Variants in NEK10 observed in about 807,000 individuals in gnomAD.
NEK10 encodes serine/threonine-protein kinase Nek10.
Under a neutral mutation model 159.8 loss-of-function variants are expected in NEK10, and 122 were observed. The ratio of observed to expected loss-of-function variants is 0.76; its 90% CI spans 0.66 to 0.89. The LOEUF is 0.89. NEK10 is among the 40% of genes least tolerant of loss of function. NEK10 has a pLI of 0.00. For synonymous variants in NEK10, 466 were observed against 457.1 expected (o/e 1.02, Z -0.25); for missense variants, 1,342 against 1,323.1 (o/e 1.01, Z -0.22).
At position 27,290,347 on chromosome 3, in the gene NEK10, TGAAAA is replaced by T. The variant is rs374792424; in HGVS notation, c.1743+265_1743+269del. Reference sequence around the variant, plus strand: ...GAGAAAAGAATAGATATGCTCACAATGAAAAGAAAAGGATTTCTCATATATGATGC... The same window carrying T: ...GAGAAAAGAATAGATATGCTCACAATGAAAAGGATTTCTCATATATGATGC... On this transcript the variant is annotated intron_variant, in intron 19 of 35. Transcript: ENST00000691995. Among the ~76,000 whole-genome samples, 653 of 152,298 alleles carry T rather than the reference TGAAAA, an allele frequency of 4.3e-3. 7 individuals are homozygous for T. Among genetic ancestry groups the T allele is most frequent in the South Asian group, 0.031 (152 of 4,828 alleles).
At chr3:27,341,794 G>A (rs533734275) in intron 5 of NEK10, among the ~76,000 whole-genome samples, 1 of 152,176 alleles carries the variant, frequency 6.6e-6, no homozygotes, top group South Asian at 2.1e-4. Context: ...AATAGAAGAG[G>A]AACATTATCA....
At chr3:27,208,432 T>C (rs531467108) in intron 23 of NEK10, among the ~76,000 whole-genome samples, 1 of 152,084 alleles carries the variant, frequency 6.6e-6, no homozygotes, top group South Asian at 2.1e-4. Context: ...GCCATAAAAA[T>C]TAAAGAGCAC....
intron 32 of NEK10, among the ~76,000 whole-genome samples, chr3:27,128,485 A>C (rs1447969455): frequency 6.6e-6 from 1 of 152,146 alleles, no homozygotes; most frequent in Non-Finnish European, 1.5e-5. Flanking sequence ...GTACTTCTAC[A>C]ATAAGAAACT....
chr3:27,325,500 C>T lies in NEK10; in HGVS notation c.363-3239G>A, dbSNP rs1294515013. ...TCTGGGTACAGTTCATCTCTGTCTCCTCTATGATCCTGAGAAATTCAACTC... is the reference window on the plus strand; with the variant it reads ...TCTGGGTACAGTTCATCTCTGTCTCTTCTATGATCCTGAGAAATTCAACTC... On this transcript the variant is annotated intron_variant, in intron 5 of 35. Transcript: ENST00000691995. 2.6e-5 allele frequency among the ~76,000 whole-genome samples: 4 copies of T among 152,116 alleles called. No individual in the cohort carries two copies. In the East Asian group the frequency reaches 5.8e-4, roughly 22 times the overall value.
At chr3:27,190,269 A>C (rs1365550188) in intron 26 of NEK10, among the ~76,000 whole-genome samples, 8 of 152,162 alleles carry the variant, frequency 5.3e-5, no homozygotes, top group Non-Finnish European at 1.2e-4. Context: ...ATAGCCTGAA[A>C]TCTATATTTC....
intron 22 of NEK10, among the ~76,000 whole-genome samples, chr3:27,268,151 C>A (rs1202936960): frequency 6.6e-6 from 1 of 152,192 alleles, no homozygotes. Context: ...AGTCTGGAAG[C>A]TAGCAGAGGT....
chr3:27,172,161 C>T (rs1947053608), intron 28 of NEK10, among the ~76,000 whole-genome samples: 1 of 151,512 alleles, frequency 6.6e-6, no homozygotes, highest in African/African-American at 2.4e-5. Flanking sequence ...ACATGAAACC[C>T]CGTCCCTACT....
intron 32 of NEK10, among the ~76,000 whole-genome samples, chr3:27,124,589 T>C (rs1174495487): frequency 1.3e-5 from 2 of 152,188 alleles, no homozygotes; most frequent in Non-Finnish European, 2.9e-5. Context: ...AGGGCTGTCT[T>C]ACATCAAAGG....
intron 5 of NEK10, among the ~76,000 whole-genome samples, chr3:27,332,972 G>A (rs1481154287): frequency 1.3e-5 from 2 of 152,206 alleles, no homozygotes; most frequent in African/African-American, 4.8e-5. Flanking sequence ...CAAGAGAGCT[G>A]ACTAGGGGCA....
rs563566860 is a variant in NEK10, at chr3:27,110,774, A to G, written c.*498T>C. On this transcript the variant is annotated 3_prime_UTR_variant, in exon 36 of 36. Transcript: ENST00000691995. ...TATTTTGAATTTCTTTAAATGTAAA[A>G]ATGGAGGATACAGTGAATCACCCAA... 6.5e-6 allele frequency: 1 copy of G among 152,760 alleles called. No individual in the cohort carries two copies. The highest frequency in any genetic ancestry group is 2.4e-5 in the African/African-American group (1 of 41,562). 9.5% of individuals were successfully genotyped at this position (152,760 alleles called of 1,614,324 possible).
intron 22 of NEK10, among the ~76,000 whole-genome samples, chr3:27,262,737 T>C (rs1174497502): frequency 6.6e-6 from 1 of 152,104 alleles, no homozygotes; most frequent in Non-Finnish European, 1.5e-5. Flanking sequence ...ATTCATCTAA[T>C]TTTTTTTCAA....
intron 31 of NEK10, among the ~76,000 whole-genome samples, chr3:27,136,273 C>T (rs993217809): frequency 4.0e-5 from 6 of 151,700 alleles, no homozygotes; most frequent in South Asian, 4.2e-4. Flanking sequence ...CCACCACGCC[C>T]GGCTAATTTT....
intron 23 of NEK10, among the ~76,000 whole-genome samples, chr3:27,254,628 CGGAG>C (rs1559368348): frequency 1.3e-5 from 2 of 151,708 alleles, no homozygotes; most frequent in Non-Finnish European, 2.9e-5. Flanking sequence ...TCTAATAACT[CGGAG>C]AGATGAGAGA....
At chr3:27,150,907 C>T (rs147564779) in intron 30 of NEK10, among the ~76,000 whole-genome samples, 1 of 152,250 alleles carries the variant, frequency 6.6e-6, no homozygotes, top group African/African-American at 2.4e-5. Flanking sequence ...CAAGAACAAA[C>T]TAGGAATCCT....
At chr3:27,336,628 G>A (rs34184905) in intron 5 of NEK10, among the ~76,000 whole-genome samples, 21,291 of 151,972 alleles carry the variant, frequency 0.14, 3,069 homozygotes, top group African/African-American at 0.37. Flanking sequence ...ATTAAATAGC[G>A]TATCAGAAAG....
intron 11 of NEK10, among the ~76,000 whole-genome samples, chr3:27,305,191 G>C (rs1017233549): frequency 7.2e-5 from 11 of 152,200 alleles, no homozygotes; most frequent in African/African-American, 2.4e-4. Flanking sequence ...TGCTGAGATA[G>C]CATGAAAGCA....
chr3:27,271,137 CATCT>C (rs1185748041), intron 22 of NEK10, among the ~76,000 whole-genome samples: 7 of 148,196 alleles, frequency 4.7e-5, no homozygotes, highest in African/African-American at 1.0e-4. Context: ...TCTTTCCATC[CATCT>C]ATCTATCTTC....
intron 22 of NEK10, among the ~76,000 whole-genome samples, chr3:27,270,323 C>G (rs1447557737): frequency 2.0e-5 from 3 of 152,050 alleles, no homozygotes; most frequent in Non-Finnish European, 4.4e-5. Flanking sequence ...CCAGTCAAAA[C>G]CCAGAACCCA....
intron 25 of NEK10, among the ~76,000 whole-genome samples, chr3:27,198,331 CAA>C (rs59823084): frequency 3.8e-4 from 39 of 102,030 alleles, no homozygotes; most frequent in African/African-American, 7.4e-4. Context: ...CAATCCTAAG[CAA>C]AAAAAAAAAA....
Sources: allele counts gnomAD v4.1 joint callset (sites outside exome capture counted in the v4.1 genomes callset), GRCh38; gene constraint gnomAD v4.1.1; transcripts MANE v1.5; gene names NCBI Gene and HGNC (gene_info 2026-07-23, HGNC 2026-07-21).